Variants in GSE1 observed in about 807,000 individuals in gnomAD.
GSE1 encodes Gse1 coiled-coil protein.
In GSE1, 32 loss-of-function variants were observed where a neutral mutation model predicts 112.6. The ratio of observed to expected loss-of-function variants is 0.28; its 90% CI spans 0.21 to 0.38. The LOEUF (loss-of-function observed/expected upper bound fraction) is 0.38, where lower values mean the gene tolerates loss of function less well. GSE1 is among the 10% of genes least tolerant of loss of function. The pLI is 1.00. For missense variants in GSE1, 2,348 were observed against 1,699.2 expected (o/e 1.38, Z -6.71); for synonymous variants, 1,115 against 735.6 (o/e 1.52, Z -8.35).
chr16:85,509,945 T>C (rs144987933), intron 2 of GSE1, among the ~76,000 whole-genome samples: 41 of 152,350 alleles, frequency 2.7e-4, no homozygotes, highest in African/African-American at 8.7e-4. Context: ...CAAGATGGAT[T>C]GATTCAATTT....
chr16:85,274,624 C>T (rs908567262), intron 1 of GSE1, among the ~76,000 whole-genome samples: 6 of 152,174 alleles, frequency 3.9e-5, no homozygotes, highest in African/African-American at 1.4e-4. Flanking sequence ...TTGTAGGGAT[C>T]CCCAGCCTCC....
chr16:85,379,473 C>T (rs942785430), intron 2 of GSE1, among the ~76,000 whole-genome samples: 1 of 152,162 alleles, frequency 6.6e-6, no homozygotes, highest in Non-Finnish European at 1.5e-5. Context: ...GAGAAGATTC[C>T]AGGAGGTCTC....
chr16:85,179,204 G>A (rs777451181), intron 1 of GSE1, among the ~76,000 whole-genome samples: 3 of 152,126 alleles, frequency 2.0e-5, no homozygotes, highest in Non-Finnish European at 4.4e-5. Context: ...TCTGCCCTCT[G>A]TCTTTATGGA....
At chr16:85,188,504 G>A (rs953688736) in intron 1 of GSE1, among the ~76,000 whole-genome samples, 2 of 152,054 alleles carry the variant, frequency 1.3e-5, no homozygotes, top group African/African-American at 4.8e-5. Flanking sequence ...CTACTTTTTA[G>A]GTCAGGTTAT....
chr16:85,568,629 C>T (rs1567599062), intron 1 of GSE1, among the ~76,000 whole-genome samples: 1 of 152,190 alleles, frequency 6.6e-6, no homozygotes, highest in Non-Finnish European at 1.5e-5. Flanking sequence ...CAGCCAGCCT[C>T]GTGACCCAGA....
chr16:85,404,396 G>GC (rs1555579801), intron 2 of GSE1, among the ~76,000 whole-genome samples: 3 of 4,956 alleles, frequency 6.1e-4, no homozygotes, highest in Non-Finnish European at 8.1e-4. Flanking sequence ...TTACACTCAG[G>GC]CCCCCTGGAT....
At chr16:85,642,559 A>AGCATGGGCTAG (rs2050529567) in intron 2 of GSE1, among the ~76,000 whole-genome samples, 4 of 152,328 alleles carry the variant, frequency 2.6e-5, no homozygotes, top group East Asian at 3.9e-4. Context: ...CTCCATCGGC[A>AGCATGGGCTAG]GCATGGGCTA....
intron 1 of GSE1, among the ~76,000 whole-genome samples, chr16:85,628,963 G>A (rs570454873): frequency 6.6e-6 from 1 of 152,292 alleles, no homozygotes; most frequent in South Asian, 2.1e-4. Context: ...GGCAGTGATT[G>A]GATCATGGGG....
upstream of GSE1, among the ~76,000 whole-genome samples, chr16:85,553,452 G>A (rs945709836): frequency 6.6e-6 from 1 of 151,734 alleles, no homozygotes; most frequent in Non-Finnish European, 1.5e-5. Context: ...GGGCGCGGGC[G>A]GCCCCGAGCG....
intron 1 of GSE1, among the ~76,000 whole-genome samples, chr16:85,303,902 C>T (rs894028702): frequency 6.6e-6 from 1 of 152,228 alleles, no homozygotes; most frequent in Non-Finnish European, 1.5e-5. Flanking sequence ...CCCGGGGACG[C>T]CCCGGCCATT....
chr16:85,650,802 C>T (rs1483084886), intron 3 of GSE1, among the ~76,000 whole-genome samples: 5 of 152,022 alleles, frequency 3.3e-5, no homozygotes, highest in Non-Finnish European at 4.4e-5. Context: ...CCCTCCCACC[C>T]GGCCCAAAGC....
At chr16:85,585,245 G>A (rs1005628008) in intron 1 of GSE1, among the ~76,000 whole-genome samples, 4 of 152,160 alleles carry the variant, frequency 2.6e-5, no homozygotes, top group African/African-American at 4.8e-5. Context: ...TGTCACCGGC[G>A]TCCTGGGGTC....
rs113050660 is a variant in GSE1, at chr16:85,331,367, A to G, written c.2284-26096A>G. Among the ~76,000 whole-genome samples, 780 of 101,130 alleles carry G rather than the reference A, an allele frequency of 7.7e-3. 85 individuals are homozygous for G. Among genetic ancestry groups the G allele is most frequent in the Non-Finnish European group, 0.013 (594 of 45,226 alleles). The allele number at this position is 101,130 out of a possible 152,430, so 66.3% of individuals were successfully genotyped here. A position where few individuals can be genotyped will look rare whatever the true frequency, so the allele number is the denominator to read the frequency against. On this transcript the variant is annotated intron_variant, in intron 1 of 2. Coordinates refer to the GSE1 transcript ENST00000637419. ...TGTGTGTGTGTGTGTGTGTGTGTGT[A>G]TATATGTATATATATGTATATATAT...
In GSE1 at chr16:85,279,630, TCAAA is replaced by T. The variant is rs546812550; in HGVS notation, c.2284-77830_2284-77827del. Reference sequence around the variant, plus strand: ...ATCAGTCAGTCAATCAATCAATCAATCAAACAGTGATGTAGCTCTGTGGGTCAGA... The same window carrying T: ...ATCAGTCAGTCAATCAATCAATCAATCAGTGATGTAGCTCTGTGGGTCAGA... On this transcript the variant is annotated intron_variant, in intron 1 of 2. Transcript: ENST00000637419. Among the ~76,000 whole-genome samples, 1,219 of 152,200 alleles carry T rather than the reference TCAAA, an allele frequency of 8.0e-3. 19 individuals are homozygous for T. Among genetic ancestry groups the T allele is most frequent in the African/African-American group, 0.028 (1,153 of 41,498 alleles).
chr16:85,600,856 G>A (rs944100070), intron 1 of GSE1, among the ~76,000 whole-genome samples: 2 of 152,120 alleles, frequency 1.3e-5, no homozygotes, highest in Non-Finnish European at 2.9e-5. Flanking sequence ...GCTGTTTGGC[G>A]CTGATGAGGG....
At chr16:85,671,195 C>A in intron 15 of GSE1, 97 bp downstream of exon 15, 1 of 668,194 alleles carries the variant, frequency 1.5e-6, no homozygotes, top group East Asian at 2.9e-5. Context: ...GAAATGTGCT[C>A]TTAAGAGATC....
chr16:85,234,959 C>A (rs1047385016), intron 1 of GSE1, among the ~76,000 whole-genome samples: 1 of 152,126 alleles, frequency 6.6e-6, no homozygotes, highest in Non-Finnish European at 1.5e-5. Flanking sequence ...CCGCCGGAGA[C>A]CCGGATACTA....
intron 2 of GSE1, among the ~76,000 whole-genome samples, chr16:85,510,740 C>T (rs2051714662): frequency 6.6e-6 from 1 of 152,206 alleles, no homozygotes; most frequent in Admixed American, 6.5e-5. Context: ...CCCCAGAGCC[C>T]CCCGCGACCC....
chr16:85,507,327 T>A (rs906087665), intron 2 of GSE1, among the ~76,000 whole-genome samples: 6 of 152,278 alleles, frequency 3.9e-5, no homozygotes, highest in African/African-American at 1.4e-4. Context: ...GGGGCTGTGG[T>A]AGGCGACCCC....
Sources: gnomAD v4.1 joint callset for allele counts (sites outside exome capture counted in the v4.1 genomes callset) on GRCh38, gnomAD v4.1.1 for gene constraint, MANE v1.5 for transcripts, NCBI Gene and HGNC (gene_info 2026-07-23, HGNC 2026-07-21) for gene names.